The following LIMS1 variants were observed in gnomAD, a reference collection of about 807,000 sequenced individuals.
LIMS1 encodes LIM and senescent cell antigen-like-containing domain protein 1.
A neutral mutation model predicts 44.1 loss-of-function variants in LIMS1; 18 were observed. That is an observed-to-expected ratio of 0.41 (90% CI 0.28 to 0.61). The LOEUF (loss-of-function observed/expected upper bound fraction) is 0.61. LIMS1 is among the 20% of genes least tolerant of loss of function. The probability of loss-of-function intolerance (pLI) is 0.32; values close to 1 mark genes in which losing one functional copy is unlikely to be tolerated. For missense variants in LIMS1, 201 were observed against 422.0 expected, an observed-to-expected ratio of 0.48 and a Z score of 4.59; for synonymous variants, 93 against 149.1, an observed-to-expected ratio of 0.62 and a Z score of 2.74.
chr2:108,663,627 C>A (rs1691525601), intron 2 of LIMS1, among the ~76,000 whole-genome samples: 1 of 152,216 alleles, frequency 6.6e-6, no homozygotes, highest in South Asian at 2.1e-4. Flanking sequence ...TTAGTACATG[C>A]TCAGGGCTGG....
exon 10 of LIMS1, chr2:108,685,749 T>TA (rs1236389904): frequency 6.6e-6 from 1 of 152,214 alleles, no homozygotes; most frequent in Admixed American, 6.5e-5. Flanking sequence ...TGTCAGCTAA[T>TA]ATGTGACCAG....
At chr2:108,550,512 T>A (rs1558783131) in intron 1 of LIMS1, among the ~76,000 whole-genome samples, 1 of 135,258 alleles carries the variant, frequency 7.4e-6, no homozygotes, top group Non-Finnish European at 1.6e-5. Context: ...AAAATAATAA[T>A]AAAAAAAAAT....
At chr2:108,592,551 C>T (rs1686460693) in intron 1 of LIMS1, among the ~76,000 whole-genome samples, 1 of 152,038 alleles carries the variant, frequency 6.6e-6, no homozygotes, top group Non-Finnish European at 1.5e-5. Context: ...TGTTTGCAGC[C>T]TGGGAAGACA....
chr2:108,550,566 A>T (rs2104586680), intron 1 of LIMS1, among the ~76,000 whole-genome samples: 1 of 152,102 alleles, frequency 6.6e-6, no homozygotes, highest in Non-Finnish European at 1.5e-5. Context: ...CTGTAATCCC[A>T]GCACTTTGGG....
chr2:108,609,176 G>A lies in LIMS1; in HGVS notation c.33-50429G>A, dbSNP rs542024270. Among the ~76,000 whole-genome samples the A allele has an allele frequency of 1.4e-4, 22 of 152,284 alleles. No individual in the cohort carries two copies. In the South Asian group the frequency reaches 1.7e-3, roughly 11 times the overall value. On this transcript the variant is annotated intron_variant, in intron 1 of 9. Coordinates refer to ENST00000544547, the Ensembl canonical transcript of LIMS1. ...AGTGTTCTCATTTGGGGCATGATCT[G>A]GCTAAATACATGCAAAATAATTTCC...
Position 108,582,197 on chromosome 2 carries a change from T to C in LIMS1, c.32+47603T>C, listed in dbSNP as rs532040218. On this transcript the variant is annotated intron_variant, in intron 1 of 9. Coordinates refer to ENST00000544547, the Ensembl canonical transcript of LIMS1. ...CATTAATGCTTAATGGCCTCAGAAA[T>C]CCTCTGGGTCTGTCGTCCTCAGCAG... is the stretch of plus-strand genomic sequence containing the variant. 3.9e-4 allele frequency among the ~76,000 whole-genome samples: 59 copies of C among 152,326 alleles called. 1 individual carries two copies. The highest frequency in any genetic ancestry group is 1.4e-3 in the African/African-American group (57 of 41,574).
chr2:108,602,338 C>T (rs1471323096), intron 1 of LIMS1, among the ~76,000 whole-genome samples: 1 of 152,158 alleles, frequency 6.6e-6, no homozygotes, highest in Non-Finnish European at 1.5e-5. Flanking sequence ...GTGTTGATAA[C>T]AGTGGTGAAA....
rs1686149698 is a variant in LIMS1, at chr2:108,587,290, T to TGTGTGTG, written c.32+52696_32+52697insGTGTGTG. ...AAGTGATGAGTTGTTTTCTTGGGGT[T>TGTGTGTG]TGTGTGTGTGTGTGTGTGTGTGTGT... On this transcript the variant is annotated intron_variant, in intron 1 of 9. Coordinates refer to ENST00000544547, the Ensembl canonical transcript of LIMS1. Among the ~76,000 whole-genome samples the TGTGTGTG allele has an allele frequency of 2.5e-4, 27 of 106,082 alleles. 1 individual carries two copies. Among genetic ancestry groups the TGTGTGTG allele is most frequent in the African/African-American group, 6.9e-4 (23 of 33,302 alleles). The allele number at this position is 106,082 out of a possible 152,430, so 69.6% of individuals were successfully genotyped here. A position where few individuals can be genotyped will look rare whatever the true frequency, so the allele number is the denominator to read the frequency against.
intron 1 of LIMS1, among the ~76,000 whole-genome samples, chr2:108,648,465 T>G (rs1690229301): frequency 6.6e-6 from 1 of 152,148 alleles, no homozygotes; most frequent in African/African-American, 2.4e-5. Flanking sequence ...CTACTTTGAA[T>G]TTCACATGGA....
exon 10 of LIMS1, chr2:108,687,127 A>G (rs1475137253): frequency 1.3e-5 from 2 of 152,178 alleles, no homozygotes; most frequent in African/African-American, 4.8e-5. Context: ...ATAGCCTTGT[A>G]TTTCGTTTTA....
At chr2:108,671,997 C>T (rs1006595340) in intron 3 of LIMS1, among the ~76,000 whole-genome samples, 2 of 152,038 alleles carry the variant, frequency 1.3e-5, no homozygotes, top group South Asian at 2.1e-4. Context: ...GGAGAAACCC[C>T]GTCTCTACTG....
chr2:108,616,231 G>C (rs370359881), intron 1 of LIMS1, among the ~76,000 whole-genome samples: 4 of 144,574 alleles, frequency 2.8e-5, no homozygotes, highest in Non-Finnish European at 6.0e-5. Context: ...TGGATATAGG[G>C]GTCTTACTCT....
rs916250409 is a variant in LIMS1, at chr2:108,662,292, C to A, written c.192+2528C>A. ...ATGACCGCTTCCTGAGCTCCTGCTG[C>A]CGCATTTAGGCCCTGTCAGCTGTGA... On this transcript the variant is annotated intron_variant, in intron 2 of 9. Coordinates refer to ENST00000544547, the Ensembl canonical transcript of LIMS1. The A allele has an allele frequency of 4.3e-6, 7 of 1,612,022 alleles. No individual in the cohort carries two copies. In the Middle Eastern group the frequency reaches 9.0e-4, roughly 208 times the overall value.
At chr2:108,614,271 A>G (rs1419760810) in intron 1 of LIMS1, among the ~76,000 whole-genome samples, 1 of 152,162 alleles carries the variant, frequency 6.6e-6, no homozygotes, top group Non-Finnish European at 1.5e-5. Flanking sequence ...CTCCACGCGA[A>G]CTGCCCTGAA....
At chr2:108,583,751 G>A (rs1356170163) in intron 1 of LIMS1, among the ~76,000 whole-genome samples, 3 of 148,022 alleles carry the variant, frequency 2.0e-5, no homozygotes, top group South Asian at 4.3e-4. Context: ...CTGGAGTGCA[G>A]TGGTGTGATC....
chr2:108,639,522 A>G (rs826695), intron 1 of LIMS1, among the ~76,000 whole-genome samples: 126,225 of 152,218 alleles, frequency 0.83, 52,757 homozygotes, highest in East Asian at 0.99. Context: ...GCGCCATCTC[A>G]GCTCATTGCA....
intron 1 of LIMS1, among the ~76,000 whole-genome samples, chr2:108,560,783 C>T (rs1685085460): frequency 6.6e-6 from 1 of 152,050 alleles, no homozygotes; most frequent in African/African-American, 2.4e-5. Flanking sequence ...TTTTGTTCAT[C>T]GTATCCACAA....
At chr2:108,591,577 C>T (rs557403115) in intron 1 of LIMS1, among the ~76,000 whole-genome samples, 5 of 152,092 alleles carry the variant, frequency 3.3e-5, no homozygotes, top group South Asian at 4.1e-4. Context: ...CTCCTGCTCC[C>T]GCCTCCCAAA....
chr2:108,584,623 G>A (rs1686020347), intron 1 of LIMS1, among the ~76,000 whole-genome samples: 2 of 152,120 alleles, frequency 1.3e-5, no homozygotes, highest in Non-Finnish European at 2.9e-5. Context: ...AATGTATAAC[G>A]GGATCCCTGA....
Sources: gnomAD v4.1 joint callset for allele counts (sites outside exome capture counted in the v4.1 genomes callset) on GRCh38, gnomAD v4.1.1 for gene constraint, MANE v1.5 for transcripts, NCBI Gene and HGNC (gene_info 2026-07-23, HGNC 2026-07-21) for gene names.